Variants in EXT2 observed in about 807,000 individuals in gnomAD.
EXT2 encodes exostosin-2.
Under a neutral mutation model 81.6 loss-of-function variants are expected in EXT2, and 53 were observed. The observed-to-expected ratio is 0.65, with a 90% CI of 0.52 to 0.82. EXT2 has a LOEUF of 0.82. Among genes scored for constraint, EXT2 ranks in the 40% least tolerant of loss-of-function variants. The pLI is 0.00. For synonymous variants in EXT2, 320 were observed against 340.0 expected, an observed-to-expected ratio of 0.94 and a Z score of 0.65; for missense variants, 774 against 910.2, an observed-to-expected ratio of 0.85 and a Z score of 1.93.
Position 44,107,721 on chromosome 11 carries a change from G to A in EXT2, c.9G>A (p.Ala3=), listed in dbSNP as rs774142487. MC[A]SVKYNIRGPA... is the part of the protein sequence containing the mutation. ...AGGCTGTCTGTGTCATTATGTGTGCGTCGGTCAAGTATAATATCCGGGGTC... is the reference window on the plus strand; with the variant it reads ...AGGCTGTCTGTGTCATTATGTGTGCATCGGTCAAGTATAATATCCGGGGTC... The change falls in exon 2 of 14, where the codon GCG becomes GCA. Residue 3 remains alanine (A), a synonymous_variant. Coordinates refer to ENST00000533608, the MANE Select transcript of EXT2 (RefSeq NM_207122.2). 19 of 1,614,038 alleles carry A rather than the reference G, an allele frequency of 1.2e-5. No individual in the cohort carries two copies. The highest frequency in any genetic ancestry group is 2.2e-5 in the East Asian group (1 of 44,896).
intron 9 of EXT2, among the ~76,000 whole-genome samples, chr11:44,200,212 G>A (rs1955506528): frequency 6.7e-6 from 1 of 149,696 alleles, no homozygotes; most frequent in African/African-American, 2.4e-5. Context: ...GATGTTTTTC[G>A]CTTTCTCTAC....
At chr11:44,117,088 A>G (rs1565200312) in intron 4 of EXT2, among the ~76,000 whole-genome samples, 2 of 150,576 alleles carry the variant, frequency 1.3e-5, no homozygotes, top group South Asian at 4.2e-4. Flanking sequence ...TCCTGCCTCA[A>G]CCTCCCAAGT....
intron 13 of EXT2, among the ~76,000 whole-genome samples, chr11:44,243,618 C>CTTTTTTTTTTTTTTTT (rs1215047805): frequency 3.0e-4 from 22 of 72,902 alleles, no homozygotes; most frequent in Admixed American, 6.2e-4. Flanking sequence ...GCCCTGTCAC[C>CTTTTTTTTTTTTTTTT]TTTTTTTTTT....
At chr11:44,232,550 T>C in intron 11 of EXT2, 54 bp downstream of exon 11, 1 of 1,605,928 alleles carries the variant, frequency 6.2e-7, no homozygotes, top group South Asian at 1.1e-5. Flanking sequence ...GATACACATT[T>C]TATTTGACCC....
intron 7 of EXT2, among the ~76,000 whole-genome samples, chr11:44,140,634 A>T (rs1052824360): frequency 3.3e-5 from 5 of 152,226 alleles, no homozygotes; most frequent in Non-Finnish European, 5.9e-5. Flanking sequence ...TAAAAAGAGC[A>T]TCCTTACTCT....
intron 7 of EXT2, among the ~76,000 whole-genome samples, chr11:44,169,347 TA>T (rs1252004691): frequency 6.6e-6 from 1 of 152,056 alleles, no homozygotes; most frequent in African/African-American, 2.4e-5. Context: ...TGATAAATTA[TA>T]AAATCGTTAG....
At chr11:44,189,695 CATTGGGG>C (rs1276249217) in intron 8 of EXT2, among the ~76,000 whole-genome samples, 1 of 152,340 alleles carries the variant, frequency 6.6e-6, no homozygotes, top group African/African-American at 2.4e-5. Context: ...CCTCCTCCAA[CATTGGGG>C]ATTACAATTC....
intron 1 of EXT2, among the ~76,000 whole-genome samples, chr11:44,097,016 A>G (rs183824944): frequency 1.3e-5 from 2 of 152,312 alleles, no homozygotes; most frequent in Non-Finnish European, 2.9e-5. Flanking sequence ...ATGGATAATC[A>G]GTTTTGGGGC....
At chr11:44,146,741 G>C (rs910447060) in intron 7 of EXT2, among the ~76,000 whole-genome samples, 3 of 152,126 alleles carry the variant, frequency 2.0e-5, no homozygotes, top group African/African-American at 4.8e-5. Flanking sequence ...TTGTTTTGTG[G>C]TATCAATGGA....
At chr11:44,127,515 A>G (rs1438309512) in intron 6 of EXT2, among the ~76,000 whole-genome samples, 1 of 152,224 alleles carries the variant, frequency 6.6e-6, no homozygotes, top group Non-Finnish European at 1.5e-5. Flanking sequence ...ATGCCTGATG[A>G]TCTGAGGTGG....
chr11:44,243,921 G>A (rs1483816616), intron 13 of EXT2, among the ~76,000 whole-genome samples: 2 of 152,034 alleles, frequency 1.3e-5, no homozygotes, highest in African/African-American at 4.8e-5. Flanking sequence ...TTCTCCCACT[G>A]AACTAATAGT....
intron 7 of EXT2, among the ~76,000 whole-genome samples, chr11:44,166,797 A>T (rs1466346659): frequency 3.3e-5 from 5 of 152,210 alleles, no homozygotes; most frequent in African/African-American, 4.8e-5. Context: ...ATGAAGCTGG[A>T]GAGATCATAT....
rs574960814 is a variant in EXT2, at chr11:44,126,942, C to T, written c.1066C>T (p.Leu356Phe). Residue 356 changes from leucine to phenylalanine, a missense_variant, in exon 6 of 14, where the codon CTT becomes TTT. Physicochemically the swap from Leu to Phe is conservative, Grantham distance 22 (BLOSUM62 0). This residue lies in a region of EXT2 where 626 missense variants were observed against 670.5 expected (regional missense o/e 0.93). Transcript: ENST00000533608. ...CTATATTTTGCCTTTCTCTGAAGTT[C>T]TTGACTGGAAGAGGTGGGTAGTACC... Reference protein sequence around the residue: ...DSYILPFSEVLDWKRASVVVP... With the variant: ...DSYILPFSEVFDWKRASVVVP... The T allele has an allele frequency of 5.0e-6, 8 of 1,614,138 alleles. No individual in the cohort carries two copies. The South Asian group carries it at 7.7e-5, about 16-fold the overall frequency.
intron 10 of EXT2, among the ~76,000 whole-genome samples, chr11:44,228,295 G>A (rs1955860282): frequency 6.6e-6 from 1 of 152,200 alleles, no homozygotes; most frequent in African/African-American, 2.4e-5. Context: ...ATTCTGTGAA[G>A]TTTCAAATGC....
At chr11:44,143,419 G>A (rs966555718) in intron 7 of EXT2, among the ~76,000 whole-genome samples, 1 of 152,162 alleles carries the variant, frequency 6.6e-6, no homozygotes, top group African/African-American at 2.4e-5. Context: ...GGCTTTCTGG[G>A]CTGGGGGCTT....
At chr11:44,128,777 G>C (rs1954446583) in intron 6 of EXT2, among the ~76,000 whole-genome samples, 1 of 152,194 alleles carries the variant, frequency 6.6e-6, no homozygotes, top group African/African-American at 2.4e-5. Context: ...CTGGCTTTTT[G>C]ATCTTGGCAA....
Position 44,206,874 on chromosome 11 carries a change from A to G in EXT2, c.1577A>G (p.Tyr526Cys). 1.2e-6 allele frequency: 2 copies of G among 1,614,164 alleles called. No homozygotes were observed. Among genetic ancestry groups the G allele is most frequent in the Non-Finnish European group, 1.7e-6 (2 of 1,180,012 alleles). ...AAGTTAAGTAACCGTTTCTTCCCTT[A>G]TGATGAAATCGAGACAGAAGCTGTT... ...ENKLSNRFFP[Y>C]DEIETEAVLA... Residue 526 changes from tyrosine to cysteine, a missense_variant, in exon 10 of 14, where the codon TAT becomes TGT. Physicochemically the swap from Tyr to Cys is radical, Grantham distance 194 (BLOSUM62 -2). This residue lies in a region of EXT2 where 626 missense variants were observed against 670.5 expected (regional missense o/e 0.93). Coordinates refer to ENST00000533608, the MANE Select transcript of EXT2 (RefSeq NM_207122.2).
chr11:44,114,279 G>C lies in EXT2; in HGVS notation c.721G>C (p.Asp241His), dbSNP rs2134985352. ...PVYSPLSAEV[D>H]LPEKGPGPRQ... ...CTATAGTCCACTGTCAGCTGAGGTG[G>C]ATCTTCCAGAGAAAGGACCAGGGTA... The change falls in exon 4 of 14, where the codon GAT (aspartate) becomes CAT (histidine). Residue 241 changes from aspartate (D) to histidine (H), a missense_variant. By Grantham distance (81) the Asp-to-His change is moderately conservative. Around this residue, in one of 2 missense-constraint regions of EXT2, gnomAD observed 626 missense variants for 670.5 expected, o/e 0.93. Transcript: ENST00000533608. 6.2e-7 allele frequency: 1 copy of C among 1,613,984 alleles called. No homozygotes were observed. Among genetic ancestry groups the C allele is most frequent in the Middle Eastern group, 1.7e-4 (1 of 6,060 alleles).
intron 9 of EXT2, among the ~76,000 whole-genome samples, chr11:44,202,615 A>G (rs1955534754): frequency 6.6e-6 from 1 of 152,126 alleles, no homozygotes; most frequent in Admixed American, 6.5e-5. Context: ...TGACACTGCT[A>G]CCTAGGGTTC....
Sources: gnomAD v4.1 joint callset for allele counts (sites outside exome capture counted in the v4.1 genomes callset) on GRCh38, gnomAD v4.1.1 for gene constraint, gnomAD v4.1.1 regional missense constraint, MANE v1.5 for transcripts, NCBI Gene and HGNC (gene_info 2026-07-23, HGNC 2026-07-21) for gene names.